The following MDFIC2 variants were observed in gnomAD, a reference collection of about 807,000 sequenced individuals.
MDFIC2 encodes MyoD family inhibitor domain containing 2, also known as myoD family inhibitor domain-containing protein 2.
intron 2 of MDFIC2, among the ~76,000 whole-genome samples, chr3:70,290,346 G>A (rs1268691935): frequency 1.3e-5 from 2 of 152,134 alleles, no homozygotes; most frequent in African/African-American, 2.4e-5. Context: ...GCCCCTGTTG[G>A]GGGGTGCCTC....
intron 2 of MDFIC2, among the ~76,000 whole-genome samples, chr3:70,236,491 T>G (rs1365463977): frequency 1.3e-5 from 2 of 152,228 alleles, no homozygotes; most frequent in African/African-American, 4.8e-5. Flanking sequence ...TGTGTAAGCC[T>G]TCATGTATTA....
At chr3:70,295,662 A>G (rs1702282986) in intron 2 of MDFIC2, among the ~76,000 whole-genome samples, 1 of 152,198 alleles carries the variant, frequency 6.6e-6, no homozygotes, top group South Asian at 2.1e-4. Context: ...ATTGCCCTCC[A>G]GCTTGAGTGA....
At chr3:70,213,993 A>G (rs1383039251) in intron 2 of MDFIC2, among the ~76,000 whole-genome samples, 1 of 152,144 alleles carries the variant, frequency 6.6e-6, no homozygotes, top group African/African-American at 2.4e-5. Flanking sequence ...TCAAGAAAAA[A>G]TATATTTTCT....
intron 2 of MDFIC2, among the ~76,000 whole-genome samples, chr3:70,207,145 G>A (rs1338145669): frequency 6.6e-6 from 1 of 151,256 alleles, no homozygotes; most frequent in Non-Finnish European, 1.5e-5. Flanking sequence ...TTATTAATCT[G>A]AGGAAAAGGA....
chr3:70,242,967 G>T (rs946610874), intron 2 of MDFIC2, among the ~76,000 whole-genome samples: 3 of 152,100 alleles, frequency 2.0e-5, no homozygotes, highest in Non-Finnish European at 4.4e-5. Flanking sequence ...ATTGCCCCAG[G>T]CCTAACCTAA....
At chr3:70,212,490 T>A (rs1701361079) in intron 2 of MDFIC2, among the ~76,000 whole-genome samples, 1 of 152,098 alleles carries the variant, frequency 6.6e-6, no homozygotes, top group Non-Finnish European at 1.5e-5. Context: ...TCCAATCATT[T>A]ACAAGTTCTT....
intron 2 of MDFIC2, among the ~76,000 whole-genome samples, chr3:70,272,485 A>G (rs1258598934): frequency 1.3e-5 from 2 of 152,178 alleles, no homozygotes; most frequent in Admixed American, 6.5e-5. Flanking sequence ...ATAAACCAAA[A>G]TTTGTTTATC....
rs567508330 is a variant in MDFIC2, at chr3:70,259,407, A to G, written c.88+52479T>C. On this transcript the variant is annotated intron_variant, in intron 2 of 3. Transcript: ENST00000567252. ...CATGGAATTCCTTGAATAAAAATTT[A>G]TTGACTTTTAAAAAAAAAAAAGAAA... Among the ~76,000 whole-genome samples the G allele has an allele frequency of 2.6e-5, 4 of 151,812 alleles. No homozygotes were observed. The South Asian group carries it at 6.3e-4, about 24-fold the overall frequency.
At chr3:70,236,762 A>G (rs1701613809) in intron 2 of MDFIC2, among the ~76,000 whole-genome samples, 2 of 152,100 alleles carry the variant, frequency 1.3e-5, no homozygotes, top group Non-Finnish European at 2.9e-5. Context: ...TGGCTGGCTA[A>G]TTAAAACTTT....
intron 2 of MDFIC2, among the ~76,000 whole-genome samples, chr3:70,285,506 C>T (rs912468625): frequency 1.1e-4 from 16 of 151,838 alleles, no homozygotes; most frequent in East Asian, 3.9e-4. Context: ...TGAATAATGC[C>T]GCAATAAAAA....
rs550033356 is a variant in MDFIC2, at chr3:70,200,277, C to T, written c.311-3092G>A. On this transcript the variant is annotated intron_variant, in intron 3 of 3. Transcript: ENST00000567252. ...ATCAGCTCCTTCAGTATTTTTAATT[C>T]TAAATTTAAACAACTCACTCTCCCC... 6.6e-4 allele frequency among the ~76,000 whole-genome samples: 100 copies of T among 152,258 alleles called. 1 individual carries two copies. In the South Asian group the frequency reaches 0.016, roughly 25 times the overall value.
At chr3:70,265,427 T>C (rs1318023229) in intron 2 of MDFIC2, among the ~76,000 whole-genome samples, 1 of 152,066 alleles carries the variant, frequency 6.6e-6, no homozygotes, top group East Asian at 1.9e-4. Flanking sequence ...GGAAATCTCT[T>C]GATTTTAGGA....
intron 2 of MDFIC2, among the ~76,000 whole-genome samples, chr3:70,261,614 T>G (rs895208138): frequency 2.0e-5 from 3 of 152,216 alleles, no homozygotes; most frequent in African/African-American, 7.2e-5. Flanking sequence ...CTGAATGGGC[T>G]TTCTTCACTT....
At chr3:70,280,697 T>A (rs975503829) in intron 2 of MDFIC2, among the ~76,000 whole-genome samples, 5 of 152,024 alleles carry the variant, frequency 3.3e-5, no homozygotes, top group African/African-American at 1.2e-4. Flanking sequence ...CCAAGGCAGG[T>A]CTCCAAAGCC....
chr3:70,259,606 G>A (rs1701847086), intron 2 of MDFIC2, among the ~76,000 whole-genome samples: 1 of 152,002 alleles, frequency 6.6e-6, no homozygotes, highest in African/African-American at 2.4e-5. Flanking sequence ...TTCACTTTCT[G>A]CTTTCTTTTA....
chr3:70,283,934 A>C (rs1442138739), intron 2 of MDFIC2: 1 of 152,132 alleles, frequency 6.6e-6, no homozygotes, highest in African/African-American at 2.4e-5. Flanking sequence ...TCTTAAGATT[A>C]TTAACTCTGC....
chr3:70,249,594 G>T (rs894415058), intron 2 of MDFIC2: 1 of 151,686 alleles, frequency 6.6e-6, no homozygotes, highest in Non-Finnish European at 1.5e-5. Context: ...ATCATTGCAG[G>T]TGCCCCTGCT....
intron 2 of MDFIC2, among the ~76,000 whole-genome samples, chr3:70,262,382 G>A (rs111279278): frequency 0.032 from 4,807 of 152,090 alleles, 240 homozygotes; most frequent in African/African-American, 0.11. Context: ...AAAATATAAC[G>A]GACAATAACT....
At chr3:70,216,210 T>C (rs1398067668) in intron 2 of MDFIC2, among the ~76,000 whole-genome samples, 1 of 150,634 alleles carries the variant, frequency 6.6e-6, no homozygotes, top group Non-Finnish European at 1.5e-5. Context: ...CTAATTCTAC[T>C]TTATATATAA....
Sources: gnomAD v4.1 joint callset for allele counts (sites outside exome capture counted in the v4.1 genomes callset) on GRCh38, gnomAD v4.1.1 for gene constraint, MANE v1.5 for transcripts, NCBI Gene and HGNC (gene_info 2026-07-23, HGNC 2026-07-21) for gene names.